RPS6KA6: variants seen among roughly 807,000 people sequenced by gnomAD.
RPS6KA6 encodes ribosomal protein S6 kinase alpha-6.
RPS6KA6 carries 27 observed loss-of-function variants against 65.4 expected under a neutral mutation model. That is an observed-to-expected ratio of 0.41 (90% CI 0.30 to 0.57). The LOEUF is 0.57. Ranked by LOEUF, RPS6KA6 falls within the 20% of genes least tolerant of loss-of-function variation. The pLI is 0.24. For missense variants in RPS6KA6, 486 were observed against 555.6 expected, an observed-to-expected ratio of 0.87 and a Z score of 1.26; for synonymous variants, 190 against 184.2, an observed-to-expected ratio of 1.03 and a Z score of -0.26.
chrX:84,128,904 T>C (rs767420699), intron 8 of RPS6KA6, among the ~76,000 whole-genome samples: 3 of 111,730 alleles, frequency 2.7e-5, no homozygotes, highest in East Asian at 5.6e-4. Flanking sequence ...CAAGAAAACA[T>C]TGGATAAACT....
At chrX:84,086,610 C>T (rs760647594) in intron 20 of RPS6KA6, among the ~76,000 whole-genome samples, 23 of 110,524 alleles carry the variant, frequency 2.1e-4, no homozygotes, top group Admixed American at 8.7e-4. Context: ...AAGTAAATGC[C>T]GCCTAGCAAT....
intron 1 of RPS6KA6, among the ~76,000 whole-genome samples, chrX:84,184,322 A>G (rs1272899357): frequency 8.9e-6 from 1 of 112,675 alleles, no homozygotes; most frequent in Non-Finnish European, 1.9e-5. Flanking sequence ...CATAGATGAC[A>G]ATAGTTCAGA....
chrX:84,155,343 C>T (rs901042867), intron 3 of RPS6KA6, among the ~76,000 whole-genome samples: 4 of 111,429 alleles, frequency 3.6e-5, no homozygotes, highest in African/African-American at 9.8e-5. Flanking sequence ...ATCTTTCTCC[C>T]CTTAAATTGC....
In RPS6KA6 at chrX:84,117,392, C is replaced by T; in HGVS notation, c.852G>A (p.Met284Ile). 8.9e-7 allele frequency: 1 copy of T among 1,122,580 alleles called. No individual in the cohort carries two copies. Among genetic ancestry groups the T allele is most frequent in the Non-Finnish European group, 1.2e-6 (1 of 833,463 alleles). The allele number at this position is 1,122,580 out of a possible 1,213,427, so 92.5% of individuals were successfully genotyped here. The change falls in exon 10 of 22, where the codon ATG becomes ATA. Residue 284 changes from methionine (M) to isoleucine (I), a missense_variant. By Grantham distance (10) the Met-to-Ile change is conservative (BLOSUM62 1). This residue lies in a region of RPS6KA6 where 345 missense variants were observed against 375.0 expected (regional missense o/e 0.92). Transcript: ENST00000262752. The part of the protein sequence containing the change: ...QGKDRNETMN[M>I]ILKAKLGMPQ... ...ATACTGTTTACACTTACTTTAATAT[C>T]ATATTCATGGTCTCATTTCTGTCTT...
At chrX:84,120,496 A>T (rs1399658134) in intron 8 of RPS6KA6, among the ~76,000 whole-genome samples, 1 of 111,828 alleles carries the variant, frequency 8.9e-6, no homozygotes, top group Non-Finnish European at 1.9e-5. Flanking sequence ...TCTTGGTATT[A>T]CTAATGAACA....
At chrX:84,176,051 C>G (rs2035763294) in intron 1 of RPS6KA6, among the ~76,000 whole-genome samples, 1 of 112,122 alleles carries the variant, frequency 8.9e-6, no homozygotes, top group Middle Eastern at 4.6e-3. Flanking sequence ...ACTACTGTTA[C>G]TACTGAGTTA....
At chrX:84,109,723 T>C (rs2034432903) in intron 12 of RPS6KA6, among the ~76,000 whole-genome samples, 1 of 110,635 alleles carries the variant, frequency 9.0e-6, no homozygotes, top group Non-Finnish European at 1.9e-5. Flanking sequence ...GAGTTCTGCC[T>C]GTGACTCCAA....
chrX:84,141,967 G>A (rs1406585397), intron 6 of RPS6KA6, among the ~76,000 whole-genome samples: 1 of 111,073 alleles, frequency 9.0e-6, no homozygotes, highest in Admixed American at 9.6e-5. Context: ...TTGTAGAATA[G>A]GCAGAAAATT....
chrX:84,103,242 G>C (rs2034291815), intron 17 of RPS6KA6, among the ~76,000 whole-genome samples: 1 of 110,548 alleles, frequency 9.0e-6, no homozygotes, highest in Non-Finnish European at 1.9e-5. Flanking sequence ...AAACAGATAA[G>C]GATTTTAAAG....
rs1321706591 is a variant in RPS6KA6 at position 84,143,059 on chromosome X, T to C, written c.501+2419A>G. On this transcript the variant is annotated intron_variant, in intron 6 of 21. Coordinates refer to ENST00000262752, the MANE Select transcript of RPS6KA6 (RefSeq NM_014496.5). Reference sequence around the variant, plus strand: ...CATAAATATCCCTCATAAAAATAGATGCAAAAATTCTTAAATATTCAGCAA... The same window carrying C: ...CATAAATATCCCTCATAAAAATAGACGCAAAAATTCTTAAATATTCAGCAA... Among the ~76,000 whole-genome samples the C allele has an allele frequency of 2.7e-5, 3 of 110,790 alleles. No individual in the cohort carries two copies. In the Admixed American group the frequency reaches 2.9e-4, roughly 11 times the overall value.
At chrX:84,066,929 T>G (rs1486885821) in intron 20 of RPS6KA6, among the ~76,000 whole-genome samples, 1 of 110,255 alleles carries the variant, frequency 9.1e-6, no homozygotes, top group Non-Finnish European at 1.9e-5. Flanking sequence ...CAGGAAGGAG[T>G]AGGAAGCAAT....
At chrX:84,131,774 T>G (rs896960080) in intron 8 of RPS6KA6, among the ~76,000 whole-genome samples, 1 of 112,195 alleles carries the variant, frequency 8.9e-6, no homozygotes, top group African/African-American at 3.2e-5. Context: ...TCCAAATCAC[T>G]AATTTGAAAA....
intron 20 of RPS6KA6, 93 bp downstream of exon 20, chrX:84,096,101 C>A: frequency 1.8e-6 from 1 of 561,432 alleles, no homozygotes. Context: ...CATATGACAC[C>A]ATTAGATACT....
intron 8 of RPS6KA6, among the ~76,000 whole-genome samples, chrX:84,123,925 T>A (rs1025794290): frequency 3.6e-5 from 4 of 111,322 alleles, no homozygotes; most frequent in African/African-American, 1.3e-4. Flanking sequence ...TTCAATGCAG[T>A]CTGTGTGGTG....
intron 8 of RPS6KA6, among the ~76,000 whole-genome samples, chrX:84,122,575 C>T (rs2034698995): frequency 9.2e-6 from 1 of 108,635 alleles, no homozygotes; most frequent in South Asian, 4.1e-4. Flanking sequence ...CTCAGATGAT[C>T]CATCCACCTC....
At chrX:84,065,208 CTGTT>C (rs1240351635) in intron 20 of RPS6KA6, 97 bp from the exon 21 acceptor site, 4 of 541,030 alleles carry the variant, frequency 7.4e-6, no homozygotes, top group Non-Finnish European at 1.1e-5. Context: ...GCCTTGCAAT[CTGTT>C]TATTTCACCT....
At chrX:84,066,184 G>T (rs1208182808) in intron 20 of RPS6KA6, among the ~76,000 whole-genome samples, 1 of 109,583 alleles carries the variant, frequency 9.1e-6, no homozygotes, top group Non-Finnish European at 1.9e-5. Flanking sequence ...AGACAATTTG[G>T]GCAGACAGTG....
Position 84,104,577 on chromosome X carries a change from T to C in RPS6KA6, c.1536A>G (p.Gln512=). The change falls in exon 17 of 22, where the codon CAA becomes CAG. Residue 512 remains glutamine, a synonymous_variant. Coordinates refer to ENST00000262752, the MANE Select transcript of RPS6KA6 (RefSeq NM_014496.5). ...TAGCCTCCCGTTCCGAGAAACATTT[T>C]TGTTTGAGAATACGGTCAAGTAACT... The part of the protein sequence containing the change: ...GGELLDRILK[Q]KCFSEREASD... The C allele has an allele frequency of 8.4e-7, 1 of 1,186,120 alleles. No homozygotes were observed. Among genetic ancestry groups the C allele is most frequent in the Non-Finnish European group, 1.1e-6 (1 of 877,811 alleles).
intron 6 of RPS6KA6, among the ~76,000 whole-genome samples, chrX:84,140,902 G>C (rs1168820137): frequency 9.2e-6 from 1 of 109,147 alleles, no homozygotes; most frequent in South Asian, 3.9e-4. Context: ...AAGTTAGAAT[G>C]AAAAGCCTCA....
Sources: gnomAD v4.1 joint callset for allele counts (sites outside exome capture counted in the v4.1 genomes callset) on GRCh38, gnomAD v4.1.1 for gene constraint, gnomAD v4.1.1 regional missense constraint, MANE v1.5 for transcripts, NCBI Gene and HGNC (gene_info 2026-07-23, HGNC 2026-07-21) for gene names.